GATA6: variants seen among roughly 807,000 people sequenced by gnomAD.
GATA6 encodes the protein GATA binding protein 6.
Under a neutral mutation model 48.1 loss-of-function variants are expected in GATA6, and 11 were observed. That is an observed-to-expected ratio of 0.23 (90% CI 0.14 to 0.38). The LOEUF is 0.38. GATA6 is among the 10% of genes least tolerant of loss of function. GATA6 has a pLI of 1.00. For missense variants in GATA6, 795 were observed against 850.3 expected, an observed-to-expected ratio of 0.93 and a Z score of 0.81; for synonymous variants, 419 against 396.1, an observed-to-expected ratio of 1.06 and a Z score of -0.69.
intron 6 of GATA6, among the ~76,000 whole-genome samples, chr18:22,198,649 A>T: frequency 6.6e-6 from 1 of 152,200 alleles, no homozygotes; most frequent in East Asian, 1.9e-4. Context: ...ATTCTTTTGT[A>T]ATTGAATATC....
intron 4 of GATA6, among the ~76,000 whole-genome samples, chr18:22,181,910 GGTA>G (rs1318651367): frequency 6.6e-6 from 1 of 152,010 alleles, no homozygotes; most frequent in Admixed American, 6.5e-5. Context: ...TTGGTAATAT[GGTA>G]GTAACTGTTT....
chr18:22,183,388 T>G (rs1244809854), intron 6 of GATA6, among the ~76,000 whole-genome samples: 2 of 152,232 alleles, frequency 1.3e-5, no homozygotes, highest in Non-Finnish European at 2.9e-5. Context: ...GTATTTCCGA[T>G]GTAGATCATA....
Position 22,172,904 on chromosome 18 carries a change from G to A in GATA6, c.1135+625G>A, listed in dbSNP as rs1178171280. On this transcript the variant is annotated intron_variant, in intron 2 of 6. Coordinates refer to ENST00000269216, the MANE Select transcript of GATA6 (RefSeq NM_005257.6). This position sits in a 1 kb window ranked among gnomAD's most constrained non-coding sequence, Gnocchi z 5.2. ...AGGGAAAGAAGAGAGGGCACCTGGA[G>A]TGGTCAGACTTGTGACTTCATGGTG... 1.3e-5 allele frequency among the ~76,000 whole-genome samples: 2 copies of A among 152,226 alleles called. No homozygotes were observed. Among genetic ancestry groups the A allele is most frequent in the Admixed American group, 6.5e-5 (1 of 15,284 alleles).
chr18:22,190,170 A>G (rs2033309961), intron 6 of GATA6, among the ~76,000 whole-genome samples: 1 of 152,202 alleles, frequency 6.6e-6, no homozygotes, highest in Non-Finnish European at 1.5e-5. Context: ...TTTGCTCTTG[A>G]CCAAGAATGT....
intron 6 of GATA6, among the ~76,000 whole-genome samples, chr18:22,183,849 G>A (rs755718789): frequency 6.6e-5 from 10 of 152,218 alleles, no homozygotes; most frequent in Non-Finnish European, 1.3e-4. Flanking sequence ...CCAAGGCAGG[G>A]CCTGCGGCAA....
At chr18:22,198,964 G>C (rs1212850774) in intron 6 of GATA6, among the ~76,000 whole-genome samples, 2 of 152,146 alleles carry the variant, frequency 1.3e-5, no homozygotes, top group Non-Finnish European at 2.9e-5. Flanking sequence ...CAGTGTTGTT[G>C]CTGGATTTTC....
At chr18:22,183,522 T>G (rs2033224144) in intron 6 of GATA6, among the ~76,000 whole-genome samples, 1 of 152,214 alleles carries the variant, frequency 6.6e-6, no homozygotes, top group Non-Finnish European at 1.5e-5. Context: ...AAGCTCATCA[T>G]AAAGTGTTAT....
chr18:22,188,095 GAA>G (rs200690272), intron 6 of GATA6, among the ~76,000 whole-genome samples: 1 of 150,196 alleles, frequency 6.7e-6, no homozygotes, highest in African/African-American at 2.5e-5. Context: ...AAAAAAAAAT[GAA>G]AAAAAAGTAA....
At chr18:22,181,355 T>C (rs2033192935) in intron 3 of GATA6, 98 bp from the exon 4 acceptor site, 3 of 1,358,040 alleles carry the variant, frequency 2.2e-6, no homozygotes, top group Non-Finnish European at 3.1e-6. Context: ...AACAGATACA[T>C]ACTTGTTGAT....
chr18:22,179,453 TTA>T (rs2033167177), intron 3 of GATA6, among the ~76,000 whole-genome samples: 1 of 152,240 alleles, frequency 6.6e-6, no homozygotes, highest in African/African-American at 2.4e-5. Flanking sequence ...TTTCACATGT[TTA>T]TGAGGACTGG....
rs983745001 is a variant in GATA6, at chr18:22,185,352, A to G, written c.1620+2309A>G. Among the ~76,000 whole-genome samples, 3 of 152,236 alleles carry G rather than the reference A, an allele frequency of 2.0e-5. No homozygotes were observed. The highest frequency in any genetic ancestry group is 4.4e-5 in the Non-Finnish European group (3 of 68,042). On this transcript the variant is annotated intron_variant, in intron 6 of 6. Transcript: ENST00000269216. The surrounding 1 kb of genome is among the most constrained non-coding windows in gnomAD (Gnocchi z 4.3). ...GATGGGGTTGGAGAGTACTAGTTTC[A>G]CACCAGGTCTTCAGCTGCAAGCTTC...
rs2033453592 is a variant in GATA6 at position 22,200,860 on chromosome 18, G to A, written c.*37G>A. ...CAGGAGGCAGGGAGGGCTCCGCCGCGGGCCTCACTCCACTCGTGTCTGCTT... is the reference window on the plus strand; with the variant it reads ...CAGGAGGCAGGGAGGGCTCCGCCGCAGGCCTCACTCCACTCGTGTCTGCTT... On this transcript the variant is annotated 3_prime_UTR_variant, in exon 7 of 7. Coordinates refer to ENST00000269216, the MANE Select transcript of GATA6 (RefSeq NM_005257.6). 1.3e-6 allele frequency: 2 copies of A among 1,579,282 alleles called. No individual in the cohort carries two copies. Among genetic ancestry groups the A allele is most frequent in the Non-Finnish European group, 1.7e-6 (2 of 1,162,068 alleles).
In GATA6 at chr18:22,170,823, G is replaced by A; in HGVS notation, c.-37-285G>A. The A allele has an allele frequency of 2.2e-6, 1 of 464,780 alleles. No homozygotes were observed. The highest frequency in any genetic ancestry group is 2.0e-5 in the African/African-American group (1 of 50,316). 28.8% of individuals were successfully genotyped at this position (464,780 alleles called of 1,614,324 possible). A position where few individuals can be genotyped will look rare whatever the true frequency, so the allele number is the denominator to read the frequency against. ...CGCACGGAGAAAGGATGCGGCCGAG[G>A]GGGTGGGCGGGGAGGACGCGGGGAC... On this transcript the variant is annotated intron_variant, in intron 1 of 6. Transcript: ENST00000269216. The surrounding 1 kb of genome is among the most constrained non-coding windows in gnomAD (Gnocchi z 6.7).
In GATA6 at chr18:22,177,049, G is replaced by T. The variant is rs2033130167; in HGVS notation, c.1230G>T (p.Leu410=). ...GGCGGGACGGCACCGGCCACTACCTGTGCAACGCCTGCGGGCTCTACAGCA... is the reference window on the plus strand; with the variant it reads ...GGCGGGACGGCACCGGCCACTACCTTTGCAACGCCTGCGGGCTCTACAGCA... ...LWRRDGTGHY[L]CNACGLYSKM... Residue 410 remains leucine, a synonymous_variant, in exon 3 of 7, where the codon CTG becomes CTT. Coordinates refer to ENST00000269216, the MANE Select transcript of GATA6 (RefSeq NM_005257.6). 3 of 1,577,574 alleles carry T rather than the reference G, an allele frequency of 1.9e-6. No individual in the cohort carries two copies. The highest frequency in any genetic ancestry group is 1.7e-6 in the Non-Finnish European group (2 of 1,163,406).
At chr18:22,183,971 G>A (rs2033230327) in intron 6 of GATA6, among the ~76,000 whole-genome samples, 1 of 152,160 alleles carries the variant, frequency 6.6e-6, no homozygotes, top group Non-Finnish European at 1.5e-5. Flanking sequence ...TCTACATTTA[G>A]TTTTCTCCTG....
chr18:22,177,967 T>TG (rs1232462446), intron 3 of GATA6, among the ~76,000 whole-genome samples: 2 of 138,448 alleles, frequency 1.4e-5, no homozygotes, highest in Admixed American at 7.1e-5. Context: ...TTTTTTTTTT[T>TG]TTTTTTTTTT....
At chr18:22,188,013 G>A (rs1021409637) in intron 6 of GATA6, among the ~76,000 whole-genome samples, 1 of 151,952 alleles carries the variant, frequency 6.6e-6, no homozygotes, top group Non-Finnish European at 1.5e-5. Flanking sequence ...GAGGCTGGAG[G>A]ATCACTTGAG....
chr18:22,179,315 CA>C (rs2143295690), intron 3 of GATA6, among the ~76,000 whole-genome samples: 2 of 152,318 alleles, frequency 1.3e-5, no homozygotes, highest in South Asian at 4.1e-4. Context: ...TAGAACCAAT[CA>C]CTGTGAATTT....
intron 6 of GATA6, among the ~76,000 whole-genome samples, chr18:22,186,527 T>A (rs1334418574): frequency 6.6e-6 from 1 of 152,194 alleles, no homozygotes; most frequent in Non-Finnish European, 1.5e-5. Context: ...TGACCTGCCT[T>A]TCACGTGGCC....
Sources: gnomAD v4.1 joint callset for allele counts (sites outside exome capture counted in the v4.1 genomes callset) on GRCh38, gnomAD v4.1.1 for gene constraint, Gnocchi (gnomAD v3.1) non-coding constraint, MANE v1.5 for transcripts, NCBI Gene and HGNC (gene_info 2026-07-23, HGNC 2026-07-21) for gene names.